FAT1: variants seen among roughly 807,000 people sequenced by gnomAD.
FAT1 encodes FAT atypical cadherin 1, also known as protocadherin Fat 1.
In FAT1, 171 loss-of-function variants were observed where a neutral mutation model predicts 329.8. That is an observed-to-expected ratio of 0.52 (90% CI 0.46 to 0.59). The LOEUF (loss-of-function observed/expected upper bound fraction) is 0.59, where lower values mean the gene tolerates loss of function less well. Ranked by LOEUF, FAT1 falls within the 20% of genes least tolerant of loss-of-function variation. FAT1 has a pLI of 0.00. For missense variants in FAT1, 5,672 were observed against 5,774.4 expected (o/e 0.98, Z 0.57); for synonymous variants, 2,233 against 2,228.6 (o/e 1.00, Z -0.06).
At chr4:186,601,536 A>T in intron 20 of FAT1, 110 bp from the exon 21 acceptor site, 1 of 821,170 alleles carries the variant, frequency 1.2e-6, no homozygotes. Flanking sequence ...ATTTAAGATG[A>T]TAACATTTTA....
At chr4:186,685,518 T>C (rs968328853) in intron 2 of FAT1, among the ~76,000 whole-genome samples, 13 of 152,208 alleles carry the variant, frequency 8.5e-5, no homozygotes, top group Non-Finnish European at 1.9e-4. Flanking sequence ...TTATATTCCT[T>C]AGGTAAGGAT....
intron 2 of FAT1, among the ~76,000 whole-genome samples, chr4:186,692,075 A>G (rs9994857): frequency 4.9e-4 from 74 of 152,220 alleles, no homozygotes; most frequent in African/African-American, 1.7e-3. Context: ...CCCCATGTAT[A>G]TGTCAATGTG....
At position 186,603,227 on chromosome 4, in the gene FAT1, G is replaced by C. The variant is rs1738907404; in HGVS notation, c.11299C>G (p.Leu3767Val). 6.2e-7 allele frequency: 1 copy of C among 1,613,780 alleles called. No homozygotes were observed. Among genetic ancestry groups the C allele is most frequent in the Non-Finnish European group, 8.5e-7 (1 of 1,179,810 alleles). ...TGGTGGCGGGGAGTCACAAAACTCA[G>C]TCTGGCTGTGCTGTGTGTTGACATC... Reference protein sequence around the residue: ...SVMSTHSTARLSFVTPRHHRA... With the variant: ...SVMSTHSTARVSFVTPRHHRA... Residue 3767 changes from leucine (L) to valine (V), a missense_variant, in exon 19 of 27, where the codon CTG (leucine) becomes GTG (valine). This residue lies in a region of FAT1 where 1,706 missense variants were observed against 1,859.1 expected (regional missense o/e 0.92). Transcript: ENST00000441802.
At position 186,601,318 on chromosome 4, in the gene FAT1, G is replaced by A. The variant is rs749669933; in HGVS notation, c.11591C>T (p.Thr3864Met). 3.1e-5 allele frequency: 50 copies of A among 1,611,662 alleles called. No individual in the cohort carries two copies. Among genetic ancestry groups the A allele is most frequent in the East Asian group, 1.1e-4 (5 of 44,878 alleles). The change falls in exon 21 of 27, where the codon ACG (threonine) becomes ATG (methionine). Residue 3864 changes from threonine to methionine, a missense_variant. Physicochemically the swap from Thr to Met is moderately conservative, Grantham distance 81. Coordinates refer to ENST00000441802, the MANE Select transcript of FAT1 (RefSeq NM_005245.4). ...TCGAGCATACATGACAACCGCATGC[G>A]TGGAATATGTTCTGAGCCTCATGGT... Reference protein sequence around the residue: ...KLTMRLRTYSTHAVVMYARGT... With the variant: ...KLTMRLRTYSMHAVVMYARGT...
chr4:186,644,914 T>C (rs1439487528), intron 3 of FAT1, among the ~76,000 whole-genome samples: 1 of 152,216 alleles, frequency 6.6e-6, no homozygotes, highest in African/African-American at 2.4e-5. Flanking sequence ...TAAGACAGTC[T>C]TGTTTGCAAG....
At position 186,618,906 on chromosome 4, in the gene FAT1, C is replaced by T. The variant is rs755556492; in HGVS notation, c.7680G>A (p.Ala2560=). 106 of 1,613,824 alleles carry T rather than the reference C, an allele frequency of 6.6e-5. No homozygotes were observed. The highest frequency in any genetic ancestry group is 1.6e-4 in the Middle Eastern group (1 of 6,084). ...TTAAACGGACTGAGATCACTTTCTC[C>T]GCCGGGGTTTCTCGATCAAGTTTTT... The part of the protein sequence containing the change: ...TLEKLDRETP[A]EKVISVRLMA... The change falls in exon 10 of 27, where the codon GCG becomes GCA. Residue 2560 remains alanine, a synonymous_variant. Coordinates refer to ENST00000441802, the MANE Select transcript of FAT1 (RefSeq NM_005245.4).
chr4:186,709,177 G>C lies in FAT1; in HGVS notation c.651C>G (p.Leu217=), dbSNP rs758991188. ...TGRLDYLETK[L]YEMEILAADR... ...CCGCAGCGAGGATTTCCATCTCATA[G>C]AGCTTGGTCTCTAGGTAATCAAGTC... Residue 217 remains leucine, a synonymous_variant, in exon 2 of 27, where the codon CTC becomes CTG. Transcript: ENST00000441802. 9.3e-6 allele frequency: 15 copies of C among 1,613,832 alleles called. No individual in the cohort carries two copies. The highest frequency in any genetic ancestry group is 5.5e-5 in the South Asian group (5 of 91,082).
At chr4:186,597,652 T>C (rs573837982) in intron 24 of FAT1, 30 bp downstream of exon 24, 15 of 1,537,548 alleles carry the variant, frequency 9.8e-6, no homozygotes, top group Non-Finnish European at 1.1e-5. Context: ...TGAAAAGGTA[T>C]GAACCTAAAT....
chr4:186,634,267 G>A (rs1579360186), intron 6 of FAT1, among the ~76,000 whole-genome samples: 1 of 152,242 alleles, frequency 6.6e-6, no homozygotes, highest in South Asian at 2.1e-4. Flanking sequence ...AAAAAAAATA[G>A]CGGTCGTTAA....
intron 7 of FAT1, among the ~76,000 whole-genome samples, chr4:186,630,793 G>C (rs1458152279): frequency 6.6e-6 from 1 of 152,152 alleles, no homozygotes; most frequent in African/African-American, 2.4e-5. Flanking sequence ...ACAAGAGGTG[G>C]AGCCGGGATT....
chr4:186,659,876 C>T (rs180824395), intron 3 of FAT1, among the ~76,000 whole-genome samples: 151 of 150,054 alleles, frequency 1.0e-3, no homozygotes, highest in African/African-American at 3.5e-3. Context: ...GTCCCCTGAA[C>T]GACCCTGGGT....
intron 2 of FAT1, among the ~76,000 whole-genome samples, chr4:186,691,462 CTTCAT>C (rs1320833488): frequency 6.6e-6 from 1 of 152,148 alleles, no homozygotes; most frequent in Non-Finnish European, 1.5e-5. Flanking sequence ...GTTACAGAAT[CTTCAT>C]TTCATTTCAT....
intron 2 of FAT1, among the ~76,000 whole-genome samples, chr4:186,682,933 C>T (rs1743295882): frequency 6.6e-6 from 1 of 152,210 alleles, no homozygotes; most frequent in African/African-American, 2.4e-5. Flanking sequence ...TGCCACAAAA[C>T]GGAGTCCTCT....
chr4:186,636,269 C>A (rs762211457), intron 5 of FAT1, 34 bp from the exon 6 acceptor site: 17 of 1,588,650 alleles, frequency 1.1e-5, no homozygotes, highest in Non-Finnish European at 1.4e-5. Context: ...TTAAAAACAG[C>A]AAATCAGGAG....
rs2126505512 is a variant in FAT1, at chr4:186,619,433, C to A, written c.7153G>T (p.Asp2385Tyr). The A allele has an allele frequency of 6.2e-7, 1 of 1,613,990 alleles. No individual in the cohort carries two copies. The highest frequency in any genetic ancestry group is 1.3e-5 in the African/African-American group (1 of 75,064). Residue 2385 changes from aspartate (D) to tyrosine (Y), a missense_variant, in exon 10 of 27, where the codon GAT (aspartate) becomes TAT (tyrosine). By Grantham distance (160) the Asp-to-Tyr change is radical (BLOSUM62 -3). Transcript: ENST00000441802. ...TGTTGTTCAAAGAGTGGTGGATTAT[C>A]ATTGAGGTCGGTAACGTCCACCGTG... ...IVTVDVTDLN[D>Y]NPPLFEQQIY...
intron 2 of FAT1, among the ~76,000 whole-genome samples, chr4:186,669,871 T>C (rs1157668051): frequency 6.6e-6 from 1 of 152,122 alleles, no homozygotes; most frequent in Non-Finnish European, 1.5e-5. Flanking sequence ...GGTTCAAAAG[T>C]AAATCACAGT....
Position 186,637,199 on chromosome 4 carries a change from T to A in FAT1, c.3643-285A>T, listed in dbSNP as rs78259769. ...CGCAGGCTCTCTTCTCGCATTAGTT[T>A]AAGTGGAAAGTGAACCTCACCCAAA... is the stretch of plus-strand genomic sequence containing the variant. On this transcript the variant is annotated intron_variant, in intron 4 of 26. Coordinates refer to ENST00000441802, the MANE Select transcript of FAT1 (RefSeq NM_005245.4). Among the ~76,000 whole-genome samples, 1,295 of 152,284 alleles carry A rather than the reference T, an allele frequency of 8.5e-3. 19 individuals carry two copies. The highest frequency in any genetic ancestry group is 0.03 in the African/African-American group (1,242 of 41,556).
rs2126426364 is a variant in FAT1, at chr4:186,603,329, C to T, written c.11197G>A (p.Val3733Ile). The T allele has an allele frequency of 6.2e-7, 1 of 1,614,010 alleles. No homozygotes were observed. Among genetic ancestry groups the T allele is most frequent in the Non-Finnish European group, 8.5e-7 (1 of 1,179,898 alleles). ...EEIIGVRILN[V>I]FQKLCAGLDC... ...AGTCCCGCGCAGAGTTTCTGGAATA[C>T]ATTCAGTATCCTAACTCCAATGATT... The change falls in exon 19 of 27, where the codon GTA (valine) becomes ATA (isoleucine). Residue 3733 changes from valine (V) to isoleucine (I), a missense_variant. Physicochemically the swap from Val to Ile is conservative, Grantham distance 29. Transcript: ENST00000441802.
chr4:186,599,889 G>A lies in FAT1; in HGVS notation c.12103+9C>T, dbSNP rs781575567. ...AGCATTTTAAAGATGGCAACATTAC[G>A]GAGCCCACCTCCAGCAGGTGACGGA... On this transcript the variant is annotated intron_variant, in intron 22 of 26. Transcript: ENST00000441802. The A allele has an allele frequency of 3.9e-5, 63 of 1,601,028 alleles. No individual in the cohort carries two copies. The East Asian group carries it at 9.2e-4, about 23-fold the overall frequency.
Sources: gnomAD v4.1 joint callset for allele counts (sites outside exome capture counted in the v4.1 genomes callset) on GRCh38, gnomAD v4.1.1 for gene constraint, gnomAD v4.1.1 regional missense constraint, MANE v1.5 for transcripts, NCBI Gene and HGNC (gene_info 2026-07-23, HGNC 2026-07-21) for gene names.